The following CAMTA1 variants were observed in gnomAD, a reference collection of about 807,000 sequenced individuals.
The protein encoded by CAMTA1 is calmodulin binding transcription activator 1.
In CAMTA1, 27 loss-of-function variants were observed where a neutral mutation model predicts 170.9. The ratio of observed to expected loss-of-function variants is 0.16; its 90% CI spans 0.12 to 0.22. The LOEUF is 0.22. Ranked by LOEUF, CAMTA1 falls within the 10% of genes least tolerant of loss-of-function variation. The pLI is 1.00. For synonymous variants in CAMTA1, 833 were observed against 891.5 expected, an observed-to-expected ratio of 0.93 and a Z score of 1.17; for missense variants, 1,619 against 2,217.2, an observed-to-expected ratio of 0.73 and a Z score of 5.42.
At chr1:7,280,158 T>C (rs1429508178) in intron 5 of CAMTA1, among the ~76,000 whole-genome samples, 5 of 152,238 alleles carry the variant, frequency 3.3e-5, no homozygotes, top group African/African-American at 1.2e-4. Context: ...GCCTGATGTG[T>C]GTCTGTGCCC....
intron 5 of CAMTA1, among the ~76,000 whole-genome samples, chr1:7,272,593 C>T (rs1424651644): frequency 1.4e-5 from 2 of 141,718 alleles, no homozygotes; most frequent in Non-Finnish European, 1.5e-5. Context: ...TAAGTCTTAG[C>T]ATTTATGGTC....
intron 1 of CAMTA1, among the ~76,000 whole-genome samples, chr1:6,801,638 G>A (rs911528937): frequency 1.1e-4 from 17 of 152,102 alleles, no homozygotes; most frequent in African/African-American, 3.9e-4. Context: ...AAGGGTTAAA[G>A]TGGTAAATTT....
chr1:7,114,712 G>A (rs113147190), intron 4 of CAMTA1, among the ~76,000 whole-genome samples: 1 of 151,508 alleles, frequency 6.6e-6, no homozygotes, highest in African/African-American at 2.4e-5. Flanking sequence ...CCAAAAACCT[G>A]AGACCCAGGA....
intron 3 of CAMTA1, among the ~76,000 whole-genome samples, chr1:6,877,526 C>G (rs1053111998): frequency 2.6e-5 from 4 of 152,208 alleles, no homozygotes; most frequent in African/African-American, 7.2e-5. Context: ...CAGAAAACGT[C>G]TCCCATTTGT....
At chr1:7,499,065 GTA>G (rs2093910056) in intron 6 of CAMTA1, among the ~76,000 whole-genome samples, 1 of 148,654 alleles carries the variant, frequency 6.7e-6, no homozygotes, top group Admixed American at 6.7e-5. Flanking sequence ...GTGTGCGTGT[GTA>G]TGTATATGAG....
At chr1:7,627,987 A>T (rs537873909) in intron 6 of CAMTA1, among the ~76,000 whole-genome samples, 1 of 152,198 alleles carries the variant, frequency 6.6e-6, no homozygotes, top group African/African-American at 2.4e-5. Flanking sequence ...AGATGTGATC[A>T]TTTTTTAGGA....
intron 5 of CAMTA1, among the ~76,000 whole-genome samples, chr1:7,321,794 C>G (rs1319120850): frequency 6.6e-6 from 1 of 152,126 alleles, no homozygotes; most frequent in Non-Finnish European, 1.5e-5. Flanking sequence ...AGTCCATCCC[C>G]CTTTATCCTC....
At chr1:7,133,289 A>G (rs368731113) in intron 4 of CAMTA1, among the ~76,000 whole-genome samples, 2 of 152,304 alleles carry the variant, frequency 1.3e-5, no homozygotes, top group East Asian at 1.9e-4. Flanking sequence ...TAGGCTATCT[A>G]AGTCTTTATG....
At chr1:6,912,617 C>A (rs1436186390) in intron 3 of CAMTA1, among the ~76,000 whole-genome samples, 2 of 152,216 alleles carry the variant, frequency 1.3e-5, no homozygotes, top group African/African-American at 2.4e-5. Context: ...GGGCTCTGTC[C>A]CTCCGCAGGG....
At chr1:6,810,226 C>T (rs773275408) in intron 1 of CAMTA1, among the ~76,000 whole-genome samples, 4 of 152,172 alleles carry the variant, frequency 2.6e-5, no homozygotes, top group Non-Finnish European at 4.4e-5. Context: ...CCTTGGAAAC[C>T]TCTGGTAGGG....
At chr1:7,280,570 G>A (rs1671362502) in intron 5 of CAMTA1, among the ~76,000 whole-genome samples, 1 of 152,222 alleles carries the variant, frequency 6.6e-6, no homozygotes. Context: ...TCTTGGAGAG[G>A]CAGCATTATA....
At chr1:7,141,456 T>G (rs1489401073) in intron 4 of CAMTA1, among the ~76,000 whole-genome samples, 1 of 152,200 alleles carries the variant, frequency 6.6e-6, no homozygotes, top group Non-Finnish European at 1.5e-5. Context: ...ATTATCCCCT[T>G]GTCATGGCTA....
intron 3 of CAMTA1, among the ~76,000 whole-genome samples, chr1:6,984,942 T>C (rs984302744): frequency 6.6e-6 from 1 of 152,244 alleles, no homozygotes; most frequent in Non-Finnish European, 1.5e-5. Context: ...GGGAGGACCC[T>C]GCTTCCCAGA....
At chr1:6,955,170 G>C (rs1689233572) in intron 3 of CAMTA1, among the ~76,000 whole-genome samples, 1 of 152,138 alleles carries the variant, frequency 6.6e-6, no homozygotes, top group Admixed American at 6.5e-5. Context: ...AGCTGGGGTG[G>C]GGGGTTGGGG....
At chr1:7,577,184 C>T (rs966553144) in intron 6 of CAMTA1, among the ~76,000 whole-genome samples, 2 of 152,204 alleles carry the variant, frequency 1.3e-5, no homozygotes, top group African/African-American at 4.8e-5. Context: ...AGATCAGAGG[C>T]CTGGAGGAGA....
intron 5 of CAMTA1, among the ~76,000 whole-genome samples, chr1:7,383,406 G>A (rs978141293): frequency 7.2e-5 from 11 of 152,088 alleles, no homozygotes; most frequent in African/African-American, 2.2e-4. Context: ...TACAGACTCC[G>A]GTGCCAGTTA....
rs536337767 is a variant in CAMTA1 at position 6,920,333 on chromosome 1, G to A, written c.234+95123G>A. Among the ~76,000 whole-genome samples, 18 of 152,330 alleles carry A rather than the reference G, an allele frequency of 1.2e-4. No homozygotes were observed. In the South Asian group the frequency reaches 3.3e-3, roughly 28 times the overall value. On this transcript the variant is annotated intron_variant, in intron 3 of 22. Coordinates refer to ENST00000303635, the MANE Select transcript of CAMTA1 (RefSeq NM_015215.4). ...ACTGCATGTCTTGTGTCTGGGTCAC[G>A]ATGGTGCAAGAGGTGGGTTCCCATG...
chr1:7,283,688 C>T (rs756231014), intron 5 of CAMTA1, among the ~76,000 whole-genome samples: 1 of 152,184 alleles, frequency 6.6e-6, no homozygotes, highest in Non-Finnish European at 1.5e-5. Flanking sequence ...TTCCTGATAC[C>T]TTCTTAGCCC....
intron 5 of CAMTA1, among the ~76,000 whole-genome samples, chr1:7,262,012 A>G (rs1668249550): frequency 6.6e-6 from 1 of 152,202 alleles, no homozygotes; most frequent in Non-Finnish European, 1.5e-5. Context: ...TAATCCTTTT[A>G]TATGATGTGG....
Sources: gnomAD v4.1 joint callset for allele counts (sites outside exome capture counted in the v4.1 genomes callset) on GRCh38, gnomAD v4.1.1 for gene constraint, MANE v1.5 for transcripts, NCBI Gene and HGNC (gene_info 2026-07-23, HGNC 2026-07-21) for gene names.